LAMA3: variants seen among roughly 807,000 people sequenced by gnomAD.
LAMA3 encodes laminin subunit alpha 3, also known as laminin subunit alpha-3.
LAMA3 carries 281 observed loss-of-function variants against 402.0 expected under a neutral mutation model. The ratio of observed to expected loss-of-function variants is 0.70; its 90% CI spans 0.63 to 0.77. The LOEUF (loss-of-function observed/expected upper bound fraction) is 0.77, where lower values mean the gene tolerates loss of function less well. Among genes scored for constraint, LAMA3 ranks in the 30% least tolerant of loss-of-function variants. The pLI, the probability that LAMA3 is intolerant of heterozygous loss-of-function variation, is 0.00. For missense variants in LAMA3, 3,840 were observed against 4,215.5 expected (o/e 0.91, Z 2.47); for synonymous variants, 1,431 against 1,558.4 (o/e 0.92, Z 1.93).
chr18:23,878,129 A>T (rs531599921), intron 39 of LAMA3, among the ~76,000 whole-genome samples: 7 of 152,318 alleles, frequency 4.6e-5, no homozygotes, highest in African/African-American at 1.7e-4. Flanking sequence ...AACAAAAACA[A>T]AAAAGAATAA....
chr18:23,872,525 C>G (rs2064558091), intron 38 of LAMA3, among the ~76,000 whole-genome samples: 1 of 152,100 alleles, frequency 6.6e-6, no homozygotes, highest in South Asian at 2.1e-4. Flanking sequence ...TTTCCTGGCC[C>G]CCTGGTAGCC....
chr18:23,815,131 G>A, intron 15 of LAMA3, 57 bp from the exon 16 acceptor site: 1 of 1,491,746 alleles, frequency 6.7e-7, no homozygotes, highest in South Asian at 1.1e-5. Flanking sequence ...TGTTCCCAGA[G>A]CCAGGAACTG....
At chr18:23,785,798 A>G (rs761389580) in intron 12 of LAMA3, among the ~76,000 whole-genome samples, 41 of 152,204 alleles carry the variant, frequency 2.7e-4, no homozygotes, top group Non-Finnish European at 5.0e-4. Flanking sequence ...ACAACTTCAG[A>G]TTCATTCTGG....
At chr18:23,775,665 G>C (rs778221595) in intron 9 of LAMA3, 127 bp from the exon 10 acceptor site, 148 of 1,044,088 alleles carry the variant, frequency 1.4e-4, no homozygotes, top group Middle Eastern at 5.8e-4. Context: ...GAAATAGGCT[G>C]TGCCCTTTCA....
At position 23,954,703 on chromosome 18, in the gene LAMA3, T is replaced by G; in HGVS notation, c.*55T>G. 6.5e-7 allele frequency: 1 copy of G among 1,544,548 alleles called. No individual in the cohort carries two copies. ...ACCTTCAAAAGCACTGATTACCCAA[T>G]GCACCTCCCTCCCCAGCTCGAGATC... On this transcript the variant is annotated 3_prime_UTR_variant, in exon 75 of 75. Coordinates refer to ENST00000313654, the MANE Select transcript of LAMA3 (RefSeq NM_198129.4).
intron 32 of LAMA3, among the ~76,000 whole-genome samples, chr18:23,849,636 T>A (rs2063899765): frequency 6.6e-6 from 1 of 152,366 alleles, no homozygotes; most frequent in African/African-American, 2.4e-5. Context: ...CAGTATTTTA[T>A]GTAAAAATCC....
intron 1 of LAMA3, among the ~76,000 whole-genome samples, chr18:23,712,950 C>T (rs1265833472): frequency 6.6e-6 from 1 of 151,692 alleles, no homozygotes; most frequent in Non-Finnish European, 1.5e-5. Context: ...ATCCTCTGAC[C>T]CACTTAAAAT....
In LAMA3 at chr18:23,847,752, A is replaced by G. The variant is rs1274955357; in HGVS notation, c.4136+84A>G. 2.3e-5 allele frequency: 32 copies of G among 1,385,116 alleles called. No individual in the cohort carries two copies. In the East Asian group the frequency reaches 2.7e-4, roughly 12 times the overall value. The allele number at this position is 1,385,116 out of a possible 1,614,324, so 85.8% of individuals were successfully genotyped here. A position where few individuals can be genotyped will look rare whatever the true frequency, so the allele number is the denominator to read the frequency against. On this transcript the variant is annotated intron_variant, in intron 32 of 74. Transcript: ENST00000313654. ...CACACACTGGTCATCGTCACTTTCC[A>G]CTTCCCACCTGTCCAGGGGTGCCCT...
At chr18:23,814,337 A>G in intron 14 of LAMA3, 66 bp from the exon 15 acceptor site, 1 of 1,182,580 alleles carries the variant, frequency 8.5e-7, no homozygotes, top group Non-Finnish European at 1.3e-6. Context: ...GTCTTTGCTC[A>G]CGCACAGGTT....
intron 1 of LAMA3, among the ~76,000 whole-genome samples, chr18:23,698,122 C>G (rs1223977065): frequency 1.1e-5 from 1 of 94,286 alleles, no homozygotes; most frequent in East Asian, 3.7e-4. Context: ...GGACTTCAAA[C>G]TATGAATTTG....
chr18:23,793,584 C>T (rs542798521), intron 12 of LAMA3, among the ~76,000 whole-genome samples: 29 of 151,824 alleles, frequency 1.9e-4, no homozygotes, highest in Non-Finnish European at 3.8e-4. Flanking sequence ...TTGAGATTAG[C>T]ATAGGGCTGG....
intron 70 of LAMA3, chr18:23,946,731 G>A (rs2082726371): frequency 1.2e-5 from 2 of 172,752 alleles, no homozygotes; most frequent in Non-Finnish European, 2.5e-5. Context: ...GTGCTTCTAT[G>A]GGATCTTTTT....
chr18:23,931,190 C>A lies in LAMA3; in HGVS notation c.8565C>A (p.Ser2855Arg). Residue 2855 changes from serine to arginine, a missense_variant, in exon 65 of 75, where the codon AGC (serine) becomes AGA (arginine). Ser to Arg is a moderately radical substitution (Grantham distance 110). This residue lies in a region of LAMA3 where 840 missense variants were observed against 981.9 expected (regional missense o/e 0.86). Transcript: ENST00000313654. Reference protein sequence around the residue: ...DGLLHYVSVISDNSGLRLLID... With the variant: ...DGLLHYVSVIRDNSGLRLLID... ...TACTGCATTATGTATCTGTAATAAG[C>A]GACAACTCTGGGTGAGTGGAATAAT... 6.2e-7 allele frequency: 1 copy of A among 1,612,290 alleles called. No individual in the cohort carries two copies. Among genetic ancestry groups the A allele is most frequent in the Non-Finnish European group, 8.5e-7 (1 of 1,178,352 alleles).
rs778553094 is a variant in LAMA3, at chr18:23,895,075, C to T, written c.5613+17C>T. On this transcript the variant is annotated intron_variant, in intron 44 of 74. Transcript: ENST00000313654. The stretch of plus-strand genomic sequence containing the variant: ...GACCTGAGGGTAAATCCCCTGCGGC[C>T]GAGAGTAGACACGTGGGGAGGAGAT... 18 of 1,575,702 alleles carry T rather than the reference C, an allele frequency of 1.1e-5. No individual in the cohort carries two copies. The highest frequency in any genetic ancestry group is 8.1e-5 in the African/African-American group (6 of 73,944).
chr18:23,907,767 G>A lies in LAMA3; in HGVS notation c.6847G>A (p.Ala2283Thr), dbSNP rs1396655623. 12 of 1,614,148 alleles carry A rather than the reference G, an allele frequency of 7.4e-6. No homozygotes were observed. In the African/African-American group the frequency reaches 1.6e-4, roughly 22 times the overall value. The change falls in exon 54 of 75, where the codon GCT (alanine) becomes ACT (threonine). Residue 2283 changes from alanine to threonine, a missense_variant. This residue lies in a region of LAMA3 where 891 missense variants were observed against 857.5 expected (regional missense o/e 1.04). Coordinates refer to ENST00000313654, the MANE Select transcript of LAMA3 (RefSeq NM_198129.4). The stretch of plus-strand genomic sequence containing the variant: ...TGTGTGTGCATTAGGTGATATTGAT[G>A]CTATGATCAGTAGTGCAAAGAGCAT... ...LHGIQRGDID[A>T]MISSAKSMVR...
intron 70 of LAMA3, among the ~76,000 whole-genome samples, chr18:23,948,727 A>T (rs1397338921): frequency 6.6e-6 from 1 of 151,364 alleles, no homozygotes; most frequent in Admixed American, 6.6e-5. Flanking sequence ...CTGCCACCAC[A>T]CCTGGCTAAT....
chr18:23,790,238 CA>C (rs2062624006), intron 12 of LAMA3, among the ~76,000 whole-genome samples: 1 of 152,142 alleles, frequency 6.6e-6, no homozygotes, highest in South Asian at 2.1e-4. Flanking sequence ...TTTCATACTG[CA>C]GTTCATTGTC....
intron 42 of LAMA3, among the ~76,000 whole-genome samples, chr18:23,891,337 T>C (rs2080656399): frequency 6.6e-6 from 1 of 152,230 alleles, no homozygotes; most frequent in South Asian, 2.1e-4. Context: ...TCTTTCTCCC[T>C]GAAATATGAG....
At chr18:23,785,233 T>C (rs780611332) in intron 12 of LAMA3, among the ~76,000 whole-genome samples, 29 of 152,310 alleles carry the variant, frequency 1.9e-4, no homozygotes, top group Non-Finnish European at 3.1e-4. Context: ...GCAAACCCAA[T>C]TGGCATCCAG....
Sources: gnomAD v4.1 joint callset for allele counts (sites outside exome capture counted in the v4.1 genomes callset) on GRCh38, gnomAD v4.1.1 for gene constraint, gnomAD v4.1.1 regional missense constraint, MANE v1.5 for transcripts, NCBI Gene and HGNC (gene_info 2026-07-23, HGNC 2026-07-21) for gene names.